The following POTEC variants were observed in gnomAD, a reference collection of about 807,000 sequenced individuals.
The protein encoded by POTEC is ANKRD26-like family B member 2.
POTEC carries 35 observed loss-of-function variants against 62.0 expected under a neutral mutation model. The ratio of observed to expected loss-of-function variants is 0.56; its 90% confidence interval spans 0.43 to 0.75. The LOEUF is 0.75. Ranked by LOEUF, POTEC falls within the 30% of genes least tolerant of loss-of-function variation. The probability of loss-of-function intolerance (pLI) is 0.00; values close to 1 mark genes in which losing one functional copy is unlikely to be tolerated. For synonymous variants in POTEC, 156 were observed against 221.5 expected (o/e 0.70, Z 2.62); for missense variants, 472 against 655.9 (o/e 0.72, Z 3.06).
chr18:14,524,094 G>A (rs1333434738), intron 7 of POTEC, among the ~76,000 whole-genome samples: 2 of 152,242 alleles, frequency 1.3e-5, no homozygotes, highest in South Asian at 2.1e-4. Context: ...ATAGTGTTAT[G>A]TATCTAGATG....
chr18:14,519,106 T>A (rs1006905514), intron 9 of POTEC, among the ~76,000 whole-genome samples: 1 of 152,050 alleles, frequency 6.6e-6, no homozygotes, highest in Non-Finnish European at 1.5e-5. Flanking sequence ...ATTCTTCAGG[T>A]AGACCTGACA....
chr18:14,524,889 A>T, intron 7 of POTEC, 24 bp downstream of exon 7: 1 of 1,602,538 alleles, frequency 6.2e-7, no homozygotes, highest in South Asian at 1.1e-5. Context: ...TAAATCAAAA[A>T]TTTAAATTTA....
rs571807214 is a variant in POTEC at position 14,524,849 on chromosome 18, C to A, written c.1197+64G>T. The A allele has an allele frequency of 2.5e-6, 4 of 1,572,312 alleles. No homozygotes were observed. In the African/African-American group the frequency reaches 5.5e-5, roughly 21 times the overall value. Reference sequence around the variant, plus strand: ...TGAAAGGTAATTTCATTTGGACTATCTAATATCGTTAAAGCAAAGAAAACA... The same window carrying A: ...TGAAAGGTAATTTCATTTGGACTATATAATATCGTTAAAGCAAAGAAAACA... On this transcript the variant is annotated intron_variant, in intron 7 of 10. Transcript: ENST00000358970.
intron 6 of POTEC, chr18:14,528,883 A>C: frequency 2.2e-6 from 1 of 449,868 alleles, no homozygotes; most frequent in Non-Finnish European, 4.4e-6. Context: ...TGGTACTAGC[A>C]AAAGTGAACT....
At chr18:14,513,332 A>G (rs909120005) in intron 10 of POTEC, among the ~76,000 whole-genome samples, 1 of 152,224 alleles carries the variant, frequency 6.6e-6, no homozygotes, top group Non-Finnish European at 1.5e-5. Context: ...ATCTGTTGTT[A>G]GTAGCAAAAC....
intron 9 of POTEC, among the ~76,000 whole-genome samples, chr18:14,517,274 C>T (rs915389071): frequency 6.6e-6 from 1 of 152,124 alleles, no homozygotes; most frequent in Non-Finnish European, 1.5e-5. Context: ...AAAGAAATGA[C>T]TTGTACCAAT....
intron 3 of POTEC, among the ~76,000 whole-genome samples, chr18:14,537,172 A>AACACAC (rs1158054861): frequency 0.037 from 2,380 of 64,646 alleles, 137 homozygotes; most frequent in Non-Finnish European, 0.051. Context: ...CAACAATAAC[A>AACACAC]ACACACACAC....
At chr18:14,532,351 G>C (rs1905553889) in intron 5 of POTEC, among the ~76,000 whole-genome samples, 1 of 152,078 alleles carries the variant, frequency 6.6e-6, no homozygotes, top group Non-Finnish European at 1.5e-5. Context: ...CCAGCGGCCA[G>C]AGCAGGGTGC....
intron 7 of POTEC, among the ~76,000 whole-genome samples, chr18:14,524,440 C>T (rs964372430): frequency 2.0e-5 from 3 of 152,124 alleles, no homozygotes; most frequent in African/African-American, 7.2e-5. Flanking sequence ...ATGAATCCAG[C>T]TCAGGGACCT....
intron 6 of POTEC, 63 bp downstream of exon 6, chr18:14,530,420 G>C: frequency 6.3e-7 from 1 of 1,597,460 alleles, no homozygotes; most frequent in South Asian, 1.1e-5. Flanking sequence ...CACAAAACTG[G>C]TCCCTGCTGC....
chr18:14,536,971 T>C (rs1304441785), intron 3 of POTEC, among the ~76,000 whole-genome samples: 4 of 151,940 alleles, frequency 2.6e-5, no homozygotes. Context: ...GGTTAATTAC[T>C]TGTTATTCCT....
At chr18:14,525,032 T>A (rs755243376) in intron 6 of POTEC, 49 bp from the exon 7 acceptor site, 1 of 1,582,092 alleles carries the variant, frequency 6.3e-7, no homozygotes, top group African/African-American at 1.4e-5. Context: ...TTAGAACAGT[T>A]AAAAACTATT....
Position 14,511,576 on chromosome 18 carries a change from T to A in POTEC, c.*322A>T, listed in dbSNP as rs531460530. The A allele has an allele frequency of 1.5e-4, 69 of 450,302 alleles. No homozygotes were observed. The Middle Eastern group carries it at 4.8e-3, about 31-fold the overall frequency. The allele number at this position is 450,302 out of a possible 1,614,324, so 27.9% of individuals were successfully genotyped here. A position where few individuals can be genotyped will look rare whatever the true frequency, so the allele number is the denominator to read the frequency against. On this transcript the variant is annotated 3_prime_UTR_variant, in exon 11 of 11. Coordinates refer to ENST00000358970, the MANE Select transcript of POTEC (RefSeq NM_001137671.2). Reference sequence around the variant, plus strand: ...TCATTTTCTCCTGTAAATAAACCTGTTCATGTTTGTTCTCTGGAAAGAAGT... The same window carrying A: ...TCATTTTCTCCTGTAAATAAACCTGATCATGTTTGTTCTCTGGAAAGAAGT...
intron 5 of POTEC, among the ~76,000 whole-genome samples, chr18:14,532,479 G>C (rs1379629448): frequency 2.0e-5 from 3 of 152,218 alleles, no homozygotes; most frequent in Non-Finnish European, 2.9e-5. Context: ...GAATCAGTAA[G>C]GGCATCTTGG....
At chr18:14,516,318 A>G (rs1185040185) in intron 9 of POTEC, among the ~76,000 whole-genome samples, 3 of 70,004 alleles carry the variant, frequency 4.3e-5, no homozygotes, top group South Asian at 5.0e-4. Flanking sequence ...ATATATATAT[A>G]TATATATATA....
At chr18:14,536,478 C>G (rs1381109374) in intron 3 of POTEC, among the ~76,000 whole-genome samples, 1 of 151,920 alleles carries the variant, frequency 6.6e-6, no homozygotes, top group East Asian at 1.9e-4. Context: ...AGCAATCCTC[C>G]CACCTCAGCC....
Position 14,511,924 on chromosome 18 carries a change from T to C in POTEC, c.1603A>G (p.Met535Val), listed in dbSNP as rs1049290457. ...TAGTTCCAGTCTCCAGAAATTAGCA[T>C]GGCAATTTCTTCCTGCAACATGCTG... ...ENSMLQEEIA[M>V]LISGDWN Residue 535 changes from methionine to valine, a missense_variant, in exon 11 of 11, where the codon ATG (methionine) becomes GTG (valine). By Grantham distance (21) the Met-to-Val change is conservative. This residue lies in a region of POTEC where 67 missense variants were observed against 58.3 expected (regional missense o/e 1.15). Coordinates refer to ENST00000358970, the MANE Select transcript of POTEC (RefSeq NM_001137671.2). The C allele has an allele frequency of 7.4e-6, 12 of 1,613,760 alleles. No individual in the cohort carries two copies. The highest frequency in any genetic ancestry group is 1.6e-4 in the Middle Eastern group (1 of 6,072).
Position 14,543,166 on chromosome 18 carries a change from G to C in POTEC, c.-20C>G. 1.2e-6 allele frequency: 2 copies of C among 1,613,120 alleles called. No homozygotes were observed. The highest frequency in any genetic ancestry group is 1.7e-6 in the Non-Finnish European group (2 of 1,179,840). ...CACCATCTGCTTTTAACAGCCCGGG[G>C]AGGCCGGTAGTAGCGAACAGATCGC... On this transcript the variant is annotated 5_prime_UTR_variant, in exon 1 of 11. Transcript: ENST00000358970.
In POTEC at chr18:14,537,200, CACACACACACAAAA is replaced by C. The variant is rs1312111370; in HGVS notation, c.810+587_810+600del. On this transcript the variant is annotated intron_variant, in intron 3 of 10. Transcript: ENST00000358970. ...ACACACACACACACACACACACACA[CACACACACACAAAA>C]AAAAAAAAAAACAAAAAAAAACCTC... is the stretch of plus-strand genomic sequence containing the variant. Among the ~76,000 whole-genome samples the C allele has an allele frequency of 9.7e-5, 8 of 82,424 alleles. 1 individual carries two copies. In the South Asian group the frequency reaches 4.5e-3, roughly 46 times the overall value. 54.1% of individuals were successfully genotyped at this position (82,424 alleles called of 152,430 possible).
Sources: gnomAD v4.1 joint callset for allele counts (sites outside exome capture counted in the v4.1 genomes callset) on GRCh38, gnomAD v4.1.1 for gene constraint, gnomAD v4.1.1 regional missense constraint, MANE v1.5 for transcripts, NCBI Gene and HGNC (gene_info 2026-07-23, HGNC 2026-07-21) for gene names.